Variants in DLG2 observed in about 807,000 individuals in gnomAD.
DLG2 encodes the protein discs large MAGUK scaffold protein 2, also known as disks large homolog 2.
A neutral mutation model predicts 132.5 loss-of-function variants in DLG2; 45 were observed. That is an observed-to-expected ratio of 0.34 (90% CI 0.27 to 0.44). DLG2 has a LOEUF of 0.44. Ranked by LOEUF, DLG2 falls within the 20% of genes least tolerant of loss-of-function variation. DLG2 has a pLI of 1.00. For synonymous variants in DLG2, 424 were observed against 419.6 expected, an observed-to-expected ratio of 1.01 and a Z score of -0.13; for missense variants, 1,045 against 1,196.9, an observed-to-expected ratio of 0.87 and a Z score of 1.87.
At chr11:84,399,825 A>G (rs1232127843) in intron 7 of DLG2, among the ~76,000 whole-genome samples, 2 of 152,210 alleles carry the variant, frequency 1.3e-5, no homozygotes, top group East Asian at 3.8e-4. Flanking sequence ...GGGCTTGCCT[A>G]TGCTTGAATT....
chr11:84,188,249 C>G lies in DLG2; in HGVS notation c.574-24738G>C, dbSNP rs1597024098. On this transcript the variant is annotated intron_variant, in intron 8 of 27. Transcript: ENST00000376104. ...ATATGCAAAGAAAAGCATTTGAATA[C>G]TCAATATGCTTGTCCATCTAAAAAT... 1.3e-5 allele frequency among the ~76,000 whole-genome samples: 2 copies of G among 152,094 alleles called. 1 individual carries two copies. Among genetic ancestry groups the G allele is most frequent in the East Asian group, 3.9e-4 (2 of 5,194 alleles).
chr11:84,370,098 A>C (rs1269997033), intron 7 of DLG2, among the ~76,000 whole-genome samples: 1 of 152,238 alleles, frequency 6.6e-6, no homozygotes, highest in South Asian at 2.1e-4. Context: ...ATATCTTACA[A>C]GGAAGAGGAT....
At chr11:84,150,191 G>C (rs533506804) in intron 9 of DLG2, among the ~76,000 whole-genome samples, 1 of 152,280 alleles carries the variant, frequency 6.6e-6, no homozygotes, top group South Asian at 2.1e-4. Flanking sequence ...CAATCCATGA[G>C]GATGGAATGG....
At chr11:84,375,956 C>T (rs1300055096) in intron 7 of DLG2, among the ~76,000 whole-genome samples, 1 of 151,922 alleles carries the variant, frequency 6.6e-6, no homozygotes, top group Non-Finnish European at 1.5e-5. Flanking sequence ...ATTTCCATTT[C>T]ATACAAACTT....
rs796957220 is a variant in DLG2, at chr11:85,487,420, T to TA, written c.40+111236dup. Among the ~76,000 whole-genome samples the TA allele has an allele frequency of 3.5e-3, 379 of 108,062 alleles. 2 individuals carry two copies. The highest frequency in any genetic ancestry group is 5.3e-3 in the East Asian group (19 of 3,594). 70.9% of individuals were successfully genotyped at this position (108,062 alleles called of 152,430 possible). On this transcript the variant is annotated intron_variant, in intron 3 of 27. Transcript: ENST00000376104. ...ACTCTACAAAATAATACCAAAAAAT[T>TA]AAAAAAAAAAAAAAACCTCAGGATA...
At chr11:84,495,880 T>C (rs1192218799) in intron 7 of DLG2, among the ~76,000 whole-genome samples, 1 of 152,158 alleles carries the variant, frequency 6.6e-6, no homozygotes, top group Non-Finnish European at 1.5e-5. Context: ...GGGCACAATG[T>C]CAGAGGAACA....
At chr11:84,033,515 ACTC>A (rs1257518706) in intron 11 of DLG2, among the ~76,000 whole-genome samples, 2 of 152,202 alleles carry the variant, frequency 1.3e-5, no homozygotes, top group Non-Finnish European at 2.9e-5. Flanking sequence ...GATGGAACCT[ACTC>A]CTCTGGTGAA....
intron 9 of DLG2, among the ~76,000 whole-genome samples, chr11:84,155,140 G>A (rs2095403182): frequency 2.6e-5 from 4 of 152,140 alleles, no homozygotes; most frequent in Admixed American, 2.0e-4. Context: ...GTTGAATTGT[G>A]GTATATATTG....
At chr11:83,790,024 C>T in intron 17 of DLG2, 5 of 1,362,302 alleles carry the variant, frequency 3.7e-6, no homozygotes, top group Non-Finnish European at 4.8e-6. Flanking sequence ...AAGGCAGTTT[C>T]TGAATTAAGT....
intron 19 of DLG2, among the ~76,000 whole-genome samples, chr11:83,565,389 AAG>A (rs2096688412): frequency 6.6e-6 from 1 of 152,220 alleles, no homozygotes; most frequent in Non-Finnish European, 1.5e-5. Context: ...ACACTGGGGA[AAG>A]AGAAAAAGGC....
chr11:84,607,047 G>A lies in DLG2; in HGVS notation c.358-72316C>T, dbSNP rs564980423. 9.9e-5 allele frequency among the ~76,000 whole-genome samples: 15 copies of A among 152,126 alleles called. 1 individual carries two copies. Among genetic ancestry groups the A allele is most frequent in the Admixed American group, 9.8e-4 (15 of 15,252 alleles). ...GATCCAAGGTCATCAAGAGCAGGGG[G>A]CCATAGAGCTTAATTTTTTTTAGTG... On this transcript the variant is annotated intron_variant, in intron 6 of 27. Transcript: ENST00000376104.
intron 7 of DLG2, among the ~76,000 whole-genome samples, chr11:84,403,339 T>C (rs1047765950): frequency 6.6e-6 from 1 of 152,154 alleles, no homozygotes; most frequent in Non-Finnish European, 1.5e-5. Flanking sequence ...CCAAATAAAA[T>C]GAAGTATTGA....
intron 6 of DLG2, among the ~76,000 whole-genome samples, chr11:84,748,710 G>A (rs1229239349): frequency 3.3e-5 from 5 of 152,124 alleles, no homozygotes; most frequent in South Asian, 2.1e-4. Context: ...AAGGTTACGC[G>A]GACTGTAAAT....
rs571405782 is a variant in DLG2 at position 83,533,815 on chromosome 11, G to A, written c.2118-1032C>T. Among the ~76,000 whole-genome samples the A allele has an allele frequency of 5.3e-5, 8 of 152,138 alleles. 1 individual carries two copies. The highest frequency in any genetic ancestry group is 3.4e-3 in the Middle Eastern group (1 of 294). On this transcript the variant is annotated intron_variant, in intron 20 of 27. Coordinates refer to ENST00000376104, the MANE Select transcript of DLG2 (RefSeq NM_001142699.3). The stretch of plus-strand genomic sequence containing the variant: ...TTAAGGACTTGAGTTTTTTTCCTTG[G>A]GAATCATCATAAGCTCTTAGAGGAT...
At chr11:84,724,214 G>A (rs895880279) in intron 6 of DLG2, among the ~76,000 whole-genome samples, 1 of 151,968 alleles carries the variant, frequency 6.6e-6, no homozygotes, top group South Asian at 2.1e-4. Context: ...AGATGAAATA[G>A]GTATACTAGA....
At chr11:85,174,643 G>A (rs965375342) in intron 4 of DLG2, among the ~76,000 whole-genome samples, 8 of 151,892 alleles carry the variant, frequency 5.3e-5, no homozygotes, top group African/African-American at 1.9e-4. Flanking sequence ...ACAGAGACAT[G>A]AAAAACCCTT....
At chr11:84,352,012 C>T (rs141473592) in intron 7 of DLG2, among the ~76,000 whole-genome samples, 109 of 152,238 alleles carry the variant, frequency 7.2e-4, no homozygotes, top group African/African-American at 2.5e-3. Flanking sequence ...CATCTTTGTG[C>T]CTAAACCACA....
intron 3 of DLG2, among the ~76,000 whole-genome samples, chr11:85,484,051 G>C (rs980841205): frequency 6.6e-6 from 1 of 152,246 alleles, no homozygotes; most frequent in Non-Finnish European, 1.5e-5. Context: ...ATACCGGCAC[G>C]AGACCGATAG....
chr11:84,629,328 C>G (rs926450562), intron 6 of DLG2, among the ~76,000 whole-genome samples: 1 of 152,158 alleles, frequency 6.6e-6, no homozygotes, highest in African/African-American at 2.4e-5. Flanking sequence ...TGAAAAAATA[C>G]TCCCCTTTGT....
Sources: gnomAD v4.1 joint callset for allele counts (sites outside exome capture counted in the v4.1 genomes callset) on GRCh38, gnomAD v4.1.1 for gene constraint, MANE v1.5 for transcripts, NCBI Gene and HGNC (gene_info 2026-07-23, HGNC 2026-07-21) for gene names.